The following RAD50 variants were observed in gnomAD, a reference collection of about 807,000 sequenced individuals.
RAD50 encodes the protein DNA repair protein RAD50.
In RAD50, 132 loss-of-function variants were observed where a neutral mutation model predicts 168.8. That is an observed-to-expected ratio of 0.78 (90% CI 0.68 to 0.90). RAD50 has a LOEUF of 0.90. RAD50 is among the 40% of genes least tolerant of loss of function. The pLI is 0.00. For missense variants in RAD50, 1,347 were observed against 1,534.4 expected, an observed-to-expected ratio of 0.88 and a Z score of 2.04; for synonymous variants, 525 against 497.4, an observed-to-expected ratio of 1.06 and a Z score of -0.74.
intron 2 of RAD50, among the ~76,000 whole-genome samples, chr5:132,573,484 C>T (rs567062616): frequency 6.6e-6 from 1 of 152,234 alleles, no homozygotes; most frequent in South Asian, 2.1e-4. Context: ...TGGTTTCTCC[C>T]ACAACACATG....
chr5:132,605,656 C>T (rs544608587), intron 16 of RAD50, among the ~76,000 whole-genome samples: 2 of 152,258 alleles, frequency 1.3e-5, no homozygotes, highest in South Asian at 4.1e-4. Flanking sequence ...ATATGAAATG[C>T]TCTTTATTAG....
At chr5:132,582,453 A>C (rs73787020) in intron 5 of RAD50, among the ~76,000 whole-genome samples, 7,486 of 152,208 alleles carry the variant, frequency 0.049, 599 homozygotes, top group African/African-American at 0.17. Context: ...CATAGAACCC[A>C]ATTAAAGTTT....
In RAD50 at chr5:132,615,194, CTT is replaced by C. The variant is rs532136239; in HGVS notation, c.3037-808_3037-807del. Among the ~76,000 whole-genome samples, 299 of 152,270 alleles carry C rather than the reference CTT, an allele frequency of 2.0e-3. 1 individual carries two copies. Among genetic ancestry groups the C allele is most frequent in the African/African-American group, 5.5e-3 (230 of 41,548 alleles). On this transcript the variant is annotated intron_variant, in intron 19 of 24. Coordinates refer to ENST00000378823, the MANE Select transcript of RAD50 (RefSeq NM_005732.4). ...AAAAACTGTTTTCTAATGATTGTCTCTTGACAACATAGTTCATTTTAATCACC... is the reference window on the plus strand; with the variant it reads ...AAAAACTGTTTTCTAATGATTGTCTCGACAACATAGTTCATTTTAATCACC...
intron 20 of RAD50, among the ~76,000 whole-genome samples, chr5:132,616,644 T>G (rs1751183077): frequency 6.6e-6 from 1 of 152,238 alleles, no homozygotes; most frequent in African/African-American, 2.4e-5. Flanking sequence ...ACCTTCCTGG[T>G]ACAGCAGAAA....
rs185546387 is a variant in RAD50, at chr5:132,575,065, G to A, written c.214-712G>A. Among the ~76,000 whole-genome samples, 255 of 152,118 alleles carry A rather than the reference G, an allele frequency of 1.7e-3. 2 individuals carry two copies. Among genetic ancestry groups the A allele is most frequent in the African/African-American group, 5.9e-3 (245 of 41,484 alleles). ...GTTCCAAAGTCGCTTTCACATTTTC[G>A]GATAACTTTTCAGCAGCACTCCACT... is the stretch of plus-strand genomic sequence containing the variant. On this transcript the variant is annotated intron_variant, in intron 2 of 24. Transcript: ENST00000378823.
intron 17 of RAD50, 53 bp downstream of exon 17, chr5:132,608,778 T>G: frequency 6.5e-7 from 1 of 1,535,918 alleles, no homozygotes; most frequent in African/African-American, 1.4e-5. Flanking sequence ...AAACTTATGT[T>G]CATAGCACCA....
chr5:132,612,517 T>TA (rs996291903), intron 19 of RAD50, among the ~76,000 whole-genome samples: 5 of 152,310 alleles, frequency 3.3e-5, no homozygotes, highest in African/African-American at 1.2e-4. Flanking sequence ...TCTCAGTTTT[T>TA]AAAAAATGAC....
intron 21 of RAD50, among the ~76,000 whole-genome samples, chr5:132,625,079 A>G (rs1751349027): frequency 6.6e-6 from 1 of 151,464 alleles, no homozygotes; most frequent in South Asian, 2.1e-4. Context: ...AGATGTCCAG[A>G]TTTTGAATTC....
intron 13 of RAD50, among the ~76,000 whole-genome samples, chr5:132,598,856 T>C (rs1750838569): frequency 6.6e-6 from 1 of 152,170 alleles, no homozygotes; most frequent in African/African-American, 2.4e-5. Context: ...GTGACACTTC[T>C]TTTTCTGTTG....
At position 132,618,066 on chromosome 5, in the gene RAD50, A is replaced by T. The variant is rs104895050; in HGVS notation, c.3165-4A>T. ...TCCTCATTTGTCATTTTTCTTTTTTACAGTGAACATCAGAAGTTGGAAGAG... is the reference window on the plus strand; with the variant it reads ...TCCTCATTTGTCATTTTTCTTTTTTTCAGTGAACATCAGAAGTTGGAAGAG... On this transcript the variant is annotated splice_polypyrimidine_tract_variant and splice_region_variant and intron_variant, in intron 20 of 24. Coordinates refer to ENST00000378823, the MANE Select transcript of RAD50 (RefSeq NM_005732.4). 2.6e-3 allele frequency: 4,203 copies of T among 1,610,888 alleles called. 42 individuals are homozygous for T. The highest frequency in any genetic ancestry group is 0.016 in the South Asian group (1,474 of 90,960).
At chr5:132,608,769 A>C (rs762303496) in intron 17 of RAD50, 44 bp downstream of exon 17, 1 of 1,544,430 alleles carries the variant, frequency 6.5e-7, no homozygotes, top group Middle Eastern at 2.3e-4. Flanking sequence ...ATCTGTATTA[A>C]ACTTATGTTC....
At chr5:132,630,505 T>C (rs897330364) in intron 21 of RAD50, 2 of 152,210 alleles carry the variant, frequency 1.3e-5, no homozygotes, top group African/African-American at 4.8e-5. Context: ...ACCATCTCTA[T>C]CATGACCATG....
At chr5:132,596,034 G>C (rs546694627) in intron 13 of RAD50, among the ~76,000 whole-genome samples, 3 of 150,074 alleles carry the variant, frequency 2.0e-5, no homozygotes, top group African/African-American at 4.9e-5. Flanking sequence ...GTCTCTCTCT[G>C]TCACCTAAGC....
chr5:132,600,112 C>T (rs1208876213), intron 13 of RAD50: 5 of 152,180 alleles, frequency 3.3e-5, no homozygotes, highest in Non-Finnish European at 5.9e-5. Flanking sequence ...TTCATGCAAC[C>T]AATATAGGCA....
At chr5:132,585,446 T>A (rs559936051) in intron 5 of RAD50, among the ~76,000 whole-genome samples, 1 of 152,324 alleles carries the variant, frequency 6.6e-6, no homozygotes, top group African/African-American at 2.4e-5. Context: ...TCCTAGTTGA[T>A]CAGTCAATTG....
intron 3 of RAD50, among the ~76,000 whole-genome samples, chr5:132,578,084 A>G (rs1056447766): frequency 1.3e-5 from 2 of 152,112 alleles, no homozygotes; most frequent in African/African-American, 4.8e-5. Context: ...AAGTGCTGGG[A>G]TTACAGGCGT....
rs2149853756 is a variant in RAD50 at position 132,618,058 on chromosome 5, T to C, written c.3165-12T>C. The C allele has an allele frequency of 6.2e-7, 1 of 1,607,512 alleles. No homozygotes were observed. The highest frequency in any genetic ancestry group is 8.5e-7 in the Non-Finnish European group (1 of 1,174,824). ...AAAAATGGTCCTCATTTGTCATTTT[T>C]CTTTTTTACAGTGAACATCAGAAGT... On this transcript the variant is annotated splice_polypyrimidine_tract_variant and intron_variant, in intron 20 of 24. Transcript: ENST00000378823.
At chr5:132,587,048 G>T (rs1221285600) in intron 5 of RAD50, among the ~76,000 whole-genome samples, 1 of 152,156 alleles carries the variant, frequency 6.6e-6, no homozygotes, top group Non-Finnish European at 1.5e-5. Flanking sequence ...GTCTCTGGAA[G>T]CGAGCCTCAG....
chr5:132,615,862 C>G (rs1368146467), intron 19 of RAD50, 141 bp from the exon 20 acceptor site: 12 of 844,722 alleles, frequency 1.4e-5, no homozygotes, highest in Middle Eastern at 3.6e-4. Context: ...GATTCCTTCA[C>G]ACTGGCTTAT....
Sources: gnomAD v4.1 joint callset for allele counts (sites outside exome capture counted in the v4.1 genomes callset) on GRCh38, gnomAD v4.1.1 for gene constraint, MANE v1.5 for transcripts, NCBI Gene and HGNC (gene_info 2026-07-23, HGNC 2026-07-21) for gene names.